Variants in SRD5A2 observed in about 807,000 individuals in gnomAD.
The protein encoded by SRD5A2 is steroid 5 alpha-reductase 2.
In SRD5A2, 30 loss-of-function variants were observed where a neutral mutation model predicts 27.4. That is an observed-to-expected ratio of 1.10 (90% CI 0.82 to 1.49). The LOEUF (loss-of-function observed/expected upper bound fraction) is 1.49. SRD5A2 is among the 40% of genes most tolerant of loss of function. The pLI is 0.00. For synonymous variants in SRD5A2, 141 were observed against 133.6 expected, an observed-to-expected ratio of 1.06 and a Z score of -0.38; for missense variants, 348 against 323.4, an observed-to-expected ratio of 1.08 and a Z score of -0.58.
At chr2:31,547,109 A>C (rs1666278491) in intron 1 of SRD5A2, among the ~76,000 whole-genome samples, 1 of 152,092 alleles carries the variant, frequency 6.6e-6, no homozygotes, top group African/African-American at 2.4e-5. Context: ...AAAAAATAAA[A>C]TAAAATAAAA....
At chr2:31,558,833 C>T (rs1666555039) in intron 1 of SRD5A2, among the ~76,000 whole-genome samples, 1 of 152,090 alleles carries the variant, frequency 6.6e-6, no homozygotes, top group African/African-American at 2.4e-5. Flanking sequence ...GGAGACTGTA[C>T]CGTCTAGGTT....
intron 1 of SRD5A2, among the ~76,000 whole-genome samples, chr2:31,558,245 C>T (rs1392724737): frequency 2.6e-5 from 4 of 152,190 alleles, no homozygotes; most frequent in African/African-American, 7.2e-5. Context: ...ATTCTAGTAA[C>T]AGGAGACCTA....
At chr2:31,592,216 G>A in the SRD5A2 span, among the ~76,000 whole-genome samples, 5 of 150,544 alleles carry the variant, frequency 3.3e-5, no homozygotes, top group African/African-American at 4.9e-5. Context: ...TCTTTTGAAA[G>A]TGCCACCTCC....
intron 1 of SRD5A2, among the ~76,000 whole-genome samples, chr2:31,563,819 A>G (rs1666676067): frequency 6.6e-6 from 1 of 152,128 alleles, no homozygotes; most frequent in Admixed American, 6.6e-5. Flanking sequence ...CTCATATAAG[A>G]CATTGGGTAG....
chr2:31,617,631 A>G, the SRD5A2 span, among the ~76,000 whole-genome samples: 4 of 152,154 alleles, frequency 2.6e-5, no homozygotes, highest in Admixed American at 6.5e-5. Flanking sequence ...GCCCTAAATC[A>G]TCTCTCTCAA....
At chr2:31,554,237 C>T (rs1666445953) in intron 1 of SRD5A2, among the ~76,000 whole-genome samples, 2 of 152,072 alleles carry the variant, frequency 1.3e-5, no homozygotes, top group South Asian at 4.1e-4. Flanking sequence ...CAAAAAATGT[C>T]TTACCTCAAT....
chr2:31,638,979 G>T, the SRD5A2 span, among the ~76,000 whole-genome samples: 1 of 151,700 alleles, frequency 6.6e-6, no homozygotes, highest in East Asian at 1.9e-4. Flanking sequence ...GTTGTTTTGG[G>T]ACATCTCTCT....
chr2:31,605,421 T>C, the SRD5A2 span, among the ~76,000 whole-genome samples: 3 of 149,420 alleles, frequency 2.0e-5, no homozygotes, highest in Non-Finnish European at 4.5e-5. Flanking sequence ...TACCAGAATA[T>C]ATAAGGAGCT....
the SRD5A2 span, among the ~76,000 whole-genome samples, chr2:31,595,110 A>C: frequency 1.3e-5 from 2 of 152,184 alleles, no homozygotes; most frequent in Admixed American, 6.5e-5. Context: ...AAAAAGTCTG[A>C]AAGACCACAA....
chr2:31,587,579 G>T, the SRD5A2 span, among the ~76,000 whole-genome samples: 1 of 152,132 alleles, frequency 6.6e-6, no homozygotes, highest in Non-Finnish European at 1.5e-5. Flanking sequence ...TAAAAAAAAT[G>T]AGTTCATGTC....
At position 31,525,432 on chromosome 2, in the gene SRD5A2, T is replaced by A. The variant is rs186133158; in HGVS notation, c.*764A>T. ...GTAGCCATCCAGGGTCATGTTGTTC[T>A]CTACTCTCTCATAAGCCACCCAGGT... On this transcript the variant is annotated 3_prime_UTR_variant, in exon 5 of 5. Coordinates refer to ENST00000622030, the MANE Select transcript of SRD5A2 (RefSeq NM_000348.4). 4.1e-4 allele frequency: 94 copies of A among 227,166 alleles called. No homozygotes were observed. Among genetic ancestry groups the A allele is most frequent in the African/African-American group, 2.1e-3 (94 of 45,148 alleles). 14.1% of individuals were successfully genotyped at this position (227,166 alleles called of 1,614,324 possible). A position where few individuals can be genotyped will look rare whatever the true frequency, so the allele number is the denominator to read the frequency against.
chr2:31,653,696 G>C, the SRD5A2 span, among the ~76,000 whole-genome samples: 1 of 152,014 alleles, frequency 6.6e-6, no homozygotes, highest in Non-Finnish European at 1.5e-5. Context: ...TTTTGCTCTT[G>C]TTGCCCAGGG....
the SRD5A2 span, among the ~76,000 whole-genome samples, chr2:31,660,635 G>A: frequency 6.6e-6 from 1 of 152,014 alleles, no homozygotes; most frequent in African/African-American, 2.4e-5. Flanking sequence ...GGCAGCAGGT[G>A]TATGGGAAAT....
chr2:31,641,582 A>C, the SRD5A2 span, among the ~76,000 whole-genome samples: 3 of 152,206 alleles, frequency 2.0e-5, no homozygotes, highest in Non-Finnish European at 4.4e-5. Context: ...ATATTAACAA[A>C]TCAAATACAG....
At chr2:31,622,661 GT>G in the SRD5A2 span, among the ~76,000 whole-genome samples, 1 of 152,052 alleles carries the variant, frequency 6.6e-6, no homozygotes, top group Non-Finnish European at 1.5e-5. Flanking sequence ...CTTCTCAAAT[GT>G]AATGGTTTTA....
At chr2:31,548,835 T>A (rs1182100549) in intron 1 of SRD5A2, among the ~76,000 whole-genome samples, 1 of 152,256 alleles carries the variant, frequency 6.6e-6, no homozygotes, top group East Asian at 1.9e-4. Flanking sequence ...AGCAATCAAG[T>A]GTCTATTGAC....
chr2:31,560,271 C>A (rs1487816842), intron 1 of SRD5A2, among the ~76,000 whole-genome samples: 2 of 152,028 alleles, frequency 1.3e-5, no homozygotes, highest in African/African-American at 4.8e-5. Context: ...CAAGCATTGC[C>A]TTTGATGTAA....
the SRD5A2 span, among the ~76,000 whole-genome samples, chr2:31,645,464 A>T: frequency 1.3e-5 from 2 of 152,250 alleles, no homozygotes; most frequent in South Asian, 2.1e-4. Context: ...AAAAAATTTT[A>T]AAAACGAAAT....
chr2:31,636,226 C>T, the SRD5A2 span, among the ~76,000 whole-genome samples: 1 of 151,830 alleles, frequency 6.6e-6, no homozygotes, highest in Non-Finnish European at 1.5e-5. Context: ...CAGAGTTTTA[C>T]AGTTGTTCTT....
Sources: allele counts gnomAD v4.1 joint callset (sites outside exome capture counted in the v4.1 genomes callset), GRCh38; gene constraint gnomAD v4.1.1; transcripts MANE v1.5; gene names NCBI Gene and HGNC (gene_info 2026-07-23, HGNC 2026-07-21).